Variants in PCDH11X observed in about 807,000 individuals in gnomAD.
The protein encoded by PCDH11X is protocadherin-11 X-linked.
A neutral mutation model predicts 53.3 loss-of-function variants in PCDH11X; 18 were observed. The ratio of observed to expected loss-of-function variants is 0.34; its 90% CI spans 0.23 to 0.50. The LOEUF (loss-of-function observed/expected upper bound fraction) is 0.50. Ranked by LOEUF, PCDH11X falls within the 20% of genes least tolerant of loss-of-function variation. The probability of loss-of-function intolerance (pLI) is 0.98; values close to 1 mark genes in which losing one functional copy is unlikely to be tolerated. For missense variants in PCDH11X, 570 were observed against 1,032.4 expected (o/e 0.55, Z 6.14); for synonymous variants, 279 against 393.3 (o/e 0.71, Z 3.44).
chrX:91,966,151 G>T (rs1479022020), intron 6 of PCDH11X, among the ~76,000 whole-genome samples: 2 of 101,009 alleles, frequency 2.0e-5, no homozygotes, highest in Admixed American at 2.0e-4. Flanking sequence ...TCAGTTCTTT[G>T]ATTTTTTTTT....
chrX:91,825,807 C>A (rs1243098421), intron 4 of PCDH11X, among the ~76,000 whole-genome samples: 1 of 107,081 alleles, frequency 9.3e-6, no homozygotes, highest in Non-Finnish European at 1.9e-5. Flanking sequence ...TGGAATGATT[C>A]ATTTGCTTTG....
Position 92,576,663 on chromosome X carries a change from A to G in PCDH11X, c.3368-41601A>G, listed in dbSNP as rs1252681698. On this transcript the variant is annotated intron_variant, in intron 10 of 10. Coordinates refer to ENST00000682573, the MANE Select transcript of PCDH11X (RefSeq NM_032968.5). ...CTGATAATAACTTAACACTGTTTGCATAAACAAAAAAAGCACACAAAAAGA... is the reference window on the plus strand; with the variant it reads ...CTGATAATAACTTAACACTGTTTGCGTAAACAAAAAAAGCACACAAAAAGA... Among the ~76,000 whole-genome samples the G allele has an allele frequency of 3.6e-5, 4 of 110,857 alleles. No homozygotes were observed. The East Asian group carries it at 8.5e-4, about 24-fold the overall frequency.
Position 92,613,044 on chromosome X carries a change from C to T in PCDH11X, c.3368-5220C>T, listed in dbSNP as rs760419488. ...TGTTGAAGACAGCAGACTGATAGGG[C>T]TTTTTTATGCAGCTTGTTACTCCAT... On this transcript the variant is annotated intron_variant, in intron 10 of 10. Coordinates refer to ENST00000682573, the MANE Select transcript of PCDH11X (RefSeq NM_032968.5). 6.7e-3 allele frequency among the ~76,000 whole-genome samples: 738 copies of T among 110,090 alleles called. 9 individuals carry two copies. The highest frequency in any genetic ancestry group is 0.023 in the African/African-American group (705 of 30,268).
intron 9 of PCDH11X, among the ~76,000 whole-genome samples, chrX:92,389,361 G>A (rs2071077208): frequency 9.0e-6 from 1 of 111,707 alleles, no homozygotes; most frequent in Admixed American, 9.6e-5. Flanking sequence ...TACACATTAA[G>A]CAAGGGTGCC....
At chrX:92,568,719 G>A (rs1004512006) in intron 10 of PCDH11X, among the ~76,000 whole-genome samples, 1 of 102,982 alleles carries the variant, frequency 9.7e-6, no homozygotes, top group African/African-American at 3.6e-5. Context: ...TCTAGAGGTA[G>A]TGTACAACCT....
intron 6 of PCDH11X, among the ~76,000 whole-genome samples, chrX:92,131,406 C>G (rs891283064): frequency 1.8e-5 from 2 of 111,208 alleles, no homozygotes; most frequent in Non-Finnish European, 3.8e-5. Context: ...TCCCTTGAGT[C>G]AGGTGAGGAA....
intron 10 of PCDH11X, among the ~76,000 whole-genome samples, chrX:92,522,216 A>G (rs2074380916): frequency 2.7e-5 from 3 of 111,496 alleles, no homozygotes; most frequent in African/African-American, 9.8e-5. Flanking sequence ...AAAGTTAGAT[A>G]TGCATGACTC....
At chrX:92,019,547 C>G (rs140097853) in intron 6 of PCDH11X, among the ~76,000 whole-genome samples, 583 of 111,878 alleles carry the variant, frequency 5.2e-3, no homozygotes, top group Middle Eastern at 0.019. Context: ...GGAATCAGGT[C>G]TAAGAAATTT....
intron 6 of PCDH11X, among the ~76,000 whole-genome samples, chrX:91,966,842 A>G (rs1390919640): frequency 1.8e-5 from 2 of 110,818 alleles, no homozygotes; most frequent in East Asian, 2.9e-4. Context: ...GTTCCAGGAT[A>G]CATGTGCAGA....
intron 8 of PCDH11X, among the ~76,000 whole-genome samples, chrX:92,277,004 G>T (rs2068110799): frequency 9.0e-6 from 1 of 111,526 alleles, no homozygotes; most frequent in African/African-American, 3.3e-5. Flanking sequence ...GCTAGTCACG[G>T]AAAGAAACTG....
At chrX:92,203,499 T>G (rs766947335) in intron 7 of PCDH11X, among the ~76,000 whole-genome samples, 1 of 112,628 alleles carries the variant, frequency 8.9e-6, no homozygotes, top group South Asian at 3.7e-4. Context: ...TATTCCAGCC[T>G]GAATTAGTGA....
At chrX:92,267,318 CAG>C (rs1392320021) in intron 8 of PCDH11X, among the ~76,000 whole-genome samples, 1 of 112,089 alleles carries the variant, frequency 8.9e-6, no homozygotes, top group Non-Finnish European at 1.9e-5. Context: ...ATGGCAGAAA[CAG>C]AACTGACTGA....
At chrX:92,206,987 C>T (rs1345364853) in intron 7 of PCDH11X, among the ~76,000 whole-genome samples, 1 of 111,477 alleles carries the variant, frequency 9.0e-6, no homozygotes, top group Non-Finnish European at 1.9e-5. Flanking sequence ...TGAGAATGTC[C>T]ATTTCCTTAT....
rs747224974 is a variant in PCDH11X at position 92,104,176 on chromosome X, G to A, written c.3034-97199G>A. Among the ~76,000 whole-genome samples the A allele has an allele frequency of 1.7e-3, 194 of 111,056 alleles. 1 individual carries two copies. Among genetic ancestry groups the A allele is most frequent in the African/African-American group, 6.1e-3 (186 of 30,540 alleles). The stretch of plus-strand genomic sequence containing the variant: ...GGGCAGGTGGGGGAGTGCTAGTCAC[G>A]GAATGAAACTGTAAGCCGGAACAGG... On this transcript the variant is annotated intron_variant, in intron 6 of 10. Coordinates refer to ENST00000682573, the MANE Select transcript of PCDH11X (RefSeq NM_032968.5).
At chrX:92,341,360 T>G (rs2069754542) in intron 8 of PCDH11X, among the ~76,000 whole-genome samples, 1 of 111,728 alleles carries the variant, frequency 9.0e-6, no homozygotes, top group East Asian at 2.8e-4. Flanking sequence ...CATTTTCAGG[T>G]AGCTTTATAG....
intron 6 of PCDH11X, among the ~76,000 whole-genome samples, chrX:92,178,949 A>G (rs1269837788): frequency 1.8e-5 from 2 of 112,214 alleles, no homozygotes; most frequent in African/African-American, 3.2e-5. Context: ...ATCTAAAAAC[A>G]TGGATTCCAG....
chrX:92,331,121 A>G (rs2069454255), intron 8 of PCDH11X, among the ~76,000 whole-genome samples: 1 of 107,754 alleles, frequency 9.3e-6, no homozygotes, highest in Non-Finnish European at 1.9e-5. Flanking sequence ...ACAAATAATT[A>G]TGATAGGCTA....
chrX:92,401,303 G>A (rs2071383204), intron 9 of PCDH11X, among the ~76,000 whole-genome samples: 1 of 109,083 alleles, frequency 9.2e-6, no homozygotes, highest in Non-Finnish European at 1.9e-5. Flanking sequence ...TGAATATATT[G>A]AAGATGAAGC....
chrX:92,474,188 A>G (rs191341202), intron 10 of PCDH11X, among the ~76,000 whole-genome samples: 2 of 111,132 alleles, frequency 1.8e-5, no homozygotes, highest in African/African-American at 6.5e-5. Context: ...GAATTGACCC[A>G]TTTATCATTA....
Sources: gnomAD v4.1 joint callset for allele counts (sites outside exome capture counted in the v4.1 genomes callset) on GRCh38, gnomAD v4.1.1 for gene constraint, MANE v1.5 for transcripts, NCBI Gene and HGNC (gene_info 2026-07-23, HGNC 2026-07-21) for gene names.